The following SAMD4A variants were observed in gnomAD, a reference collection of about 807,000 sequenced individuals.
The protein encoded by SAMD4A is sterile alpha motif domain containing 4A.
SAMD4A carries 33 observed loss-of-function variants against 81.3 expected under a neutral mutation model. The ratio of observed to expected loss-of-function variants is 0.41; its 90% CI spans 0.31 to 0.54. The LOEUF is 0.54. Among genes scored for constraint, SAMD4A ranks in the 20% least tolerant of loss-of-function variants. The pLI, the probability that SAMD4A is intolerant of heterozygous loss-of-function variation, is 0.37. For missense variants in SAMD4A, 854 were observed against 951.1 expected (o/e 0.90, Z 1.34); for synonymous variants, 389 against 382.1 (o/e 1.02, Z -0.21).
chr14:54,731,546 T>TA (rs1467404471), intron 3 of SAMD4A, among the ~76,000 whole-genome samples: 1 of 152,242 alleles, frequency 6.6e-6, no homozygotes, highest in Non-Finnish European at 1.5e-5. Flanking sequence ...TTCTACCTTT[T>TA]AAAACCCCTA....
chr14:54,666,383 G>A lies in SAMD4A; in HGVS notation c.197-35679G>A, dbSNP rs373270397. ...ATATACACCAGGGTATTGGCTCTGGGACCCCCTGGATACCCATATCCATAC... is the reference window on the plus strand; with the variant it reads ...ATATACACCAGGGTATTGGCTCTGGAACCCCCTGGATACCCATATCCATAC... On this transcript the variant is annotated intron_variant, in intron 2 of 12. Coordinates refer to ENST00000554335, the MANE Select transcript of SAMD4A (RefSeq NM_015589.6). Among the ~76,000 whole-genome samples, 12 of 152,228 alleles carry A rather than the reference G, an allele frequency of 7.9e-5. No individual in the cohort carries two copies. In the East Asian group the frequency reaches 2.1e-3, roughly 27 times the overall value.
intron 7 of SAMD4A, among the ~76,000 whole-genome samples, chr14:54,763,225 AATACT>A (rs1407386557): frequency 6.6e-6 from 1 of 151,004 alleles, no homozygotes; most frequent in Non-Finnish European, 1.5e-5. Context: ...TTTAAAAAAA[AATACT>A]ATAGCCGGAC....
chr14:54,726,249 C>CCTTGTA (rs2037412779), intron 3 of SAMD4A, among the ~76,000 whole-genome samples: 1 of 152,040 alleles, frequency 6.6e-6, no homozygotes, highest in Admixed American at 6.6e-5. Context: ...TGAAAATGAC[C>CCTTGTA]ACAACAAGAG....
intron 5 of SAMD4A, 45 bp from the exon 6 acceptor site, chr14:54,751,406 T>C (rs2038098512): frequency 1.6e-6 from 2 of 1,247,002 alleles, no homozygotes; most frequent in Non-Finnish European, 2.3e-6. Context: ...CTTAAAAATA[T>C]GTTTTTAAAT....
chr14:54,584,744 A>G (rs896940306), intron 2 of SAMD4A, among the ~76,000 whole-genome samples: 39 of 152,330 alleles, frequency 2.6e-4, no homozygotes, highest in African/African-American at 9.4e-4. Flanking sequence ...AGTTTATGCT[A>G]GATTATAGCA....
chr14:54,616,304 C>A (rs1400563517), intron 2 of SAMD4A, among the ~76,000 whole-genome samples: 3 of 152,204 alleles, frequency 2.0e-5, no homozygotes, highest in Non-Finnish European at 4.4e-5. Flanking sequence ...AATTATGGGA[C>A]AATGCCTATT....
chr14:54,711,232 C>T (rs1466522697), intron 3 of SAMD4A, among the ~76,000 whole-genome samples: 1 of 152,216 alleles, frequency 6.6e-6, no homozygotes, highest in Non-Finnish European at 1.5e-5. Context: ...AGCCTTCTGT[C>T]ATAATCACCT....
chr14:54,687,260 C>T, intron 2 of SAMD4A: 1 of 429,812 alleles, frequency 2.3e-6, no homozygotes, highest in Non-Finnish European at 4.6e-6. Flanking sequence ...ATGGATCCTG[C>T]CCCTCCATGG....
intron 2 of SAMD4A, among the ~76,000 whole-genome samples, chr14:54,621,685 A>G (rs938156600): frequency 2.0e-5 from 3 of 152,142 alleles, no homozygotes; most frequent in African/African-American, 7.2e-5. Context: ...TGATGTACAT[A>G]AGCATTCCCA....
intron 2 of SAMD4A, among the ~76,000 whole-genome samples, chr14:54,687,019 T>G (rs915628970): frequency 2.1e-5 from 3 of 142,840 alleles, no homozygotes; most frequent in Non-Finnish European, 4.8e-5. Flanking sequence ...CAGTGATTCA[T>G]GGAGCTGACC....
At chr14:54,740,784 C>T (rs758801536) in intron 4 of SAMD4A, among the ~76,000 whole-genome samples, 1 of 152,188 alleles carries the variant, frequency 6.6e-6, no homozygotes, top group Non-Finnish European at 1.5e-5. Context: ...CCAAGCAGAC[C>T]AGCTCCTACT....
Position 54,661,350 on chromosome 14 carries a change from C to T in SAMD4A, c.197-40712C>T, listed in dbSNP as rs1403689869. On this transcript the variant is annotated intron_variant, in intron 2 of 12. Coordinates refer to ENST00000554335, the MANE Select transcript of SAMD4A (RefSeq NM_015589.6). ...GTGGATTCTATAGATTTCTTTGATG[C>T]CTTTTTATTCCCAAAGAGTTCGAAG... 3.9e-5 allele frequency among the ~76,000 whole-genome samples: 6 copies of T among 152,238 alleles called. No homozygotes were observed. The South Asian group carries it at 1.2e-3, about 32-fold the overall frequency.
At chr14:54,615,070 G>T (rs550209204) in intron 2 of SAMD4A, among the ~76,000 whole-genome samples, 1 of 152,278 alleles carries the variant, frequency 6.6e-6, no homozygotes, top group East Asian at 1.9e-4. Context: ...TTGAGTCCTG[G>T]CACCTTCTCT....
intron 6 of SAMD4A, among the ~76,000 whole-genome samples, chr14:54,752,824 A>C (rs1394303114): frequency 1.3e-5 from 2 of 152,228 alleles, no homozygotes; most frequent in African/African-American, 4.8e-5. Context: ...GGAATGTAGT[A>C]GGAGGGCAGG....
chr14:54,665,517 C>T (rs1417683665), intron 2 of SAMD4A, among the ~76,000 whole-genome samples: 2 of 152,308 alleles, frequency 1.3e-5, no homozygotes, highest in East Asian at 3.9e-4. Flanking sequence ...AAGAAATGTT[C>T]CTCTCTGCAG....
chr14:54,589,122 A>G (rs940736004), intron 2 of SAMD4A, among the ~76,000 whole-genome samples: 9 of 152,168 alleles, frequency 5.9e-5, no homozygotes, highest in African/African-American at 1.9e-4. Flanking sequence ...AAAGTTTTAC[A>G]TTTGGATTTT....
rs1175853090 is a variant in SAMD4A, at chr14:54,567,717, G to A, written c.-200G>A. The A allele has an allele frequency of 3.9e-6, 2 of 519,070 alleles. No homozygotes were observed. The highest frequency in any genetic ancestry group is 4.8e-5 in the South Asian group (2 of 41,320). The allele number at this position is 519,070 out of a possible 1,614,324, so 32.2% of individuals were successfully genotyped here. On this transcript the variant is annotated 5_prime_UTR_variant, in exon 2 of 13. Coordinates refer to ENST00000554335, the MANE Select transcript of SAMD4A (RefSeq NM_015589.6). ...TCTGTCATCGTCTCTGGGGAAATCA[G>A]CCAGAACCACCGGAACGTAACTGAA...
At chr14:54,686,722 T>C (rs2036280290) in intron 2 of SAMD4A, among the ~76,000 whole-genome samples, 1 of 152,248 alleles carries the variant, frequency 6.6e-6, no homozygotes, top group South Asian at 2.1e-4. Context: ...AATTTGGGAA[T>C]AGTGTTATTA....
intron 4 of SAMD4A, among the ~76,000 whole-genome samples, chr14:54,739,652 C>T (rs549196846): frequency 1.7e-4 from 26 of 152,252 alleles, no homozygotes; most frequent in South Asian, 1.2e-3. Flanking sequence ...ACTAGCATTC[C>T]GAAGTGTCAC....
Sources: gnomAD v4.1 joint callset for allele counts (sites outside exome capture counted in the v4.1 genomes callset) on GRCh38, gnomAD v4.1.1 for gene constraint, MANE v1.5 for transcripts, NCBI Gene and HGNC (gene_info 2026-07-23, HGNC 2026-07-21) for gene names.